ZNF713: variants seen among roughly 807,000 people sequenced by gnomAD.
ZNF713 encodes the protein zinc finger protein 713.
ZNF713 carries 21 observed loss-of-function variants against 28.7 expected under a neutral mutation model. That is an observed-to-expected ratio of 0.73 (90% CI 0.52 to 1.05). ZNF713 has a LOEUF of 1.05. Among genes scored for constraint, ZNF713 ranks in the 50% least tolerant of loss-of-function variants. ZNF713 has a pLI of 0.00. For missense variants in ZNF713, 458 were observed against 532.4 expected (o/e 0.86, Z 1.37); for synonymous variants, 167 against 178.0 (o/e 0.94, Z 0.49).
intron 1 of ZNF713, among the ~76,000 whole-genome samples, chr7:55,897,569 A>C (rs1412947035): frequency 6.6e-6 from 1 of 152,138 alleles, no homozygotes; most frequent in East Asian, 1.9e-4. Flanking sequence ...GCATACAAGC[A>C]TGAGCCACTG....
intron 6 of ZNF713, among the ~76,000 whole-genome samples, chr7:55,925,288 A>G (rs1389570848): frequency 1.3e-5 from 2 of 152,112 alleles, no homozygotes; most frequent in African/African-American, 4.8e-5. Context: ...TGACTTGGCT[A>G]TCCTTCTTGC....
rs1786040844 is a variant in ZNF713 at position 55,923,687 on chromosome 7, G to A, written c.295G>A (p.Asp99Asn). 1.2e-6 allele frequency: 2 copies of A among 1,611,754 alleles called. No homozygotes were observed. The highest frequency in any genetic ancestry group is 1.3e-5 in the African/African-American group (1 of 74,860). Residue 99 changes from aspartate to asparagine, a missense_variant, in exon 6 of 7, where the codon GAT becomes AAT. Physicochemically the swap from Asp to Asn is conservative, Grantham distance 23. Transcript: ENST00000429591. ...GGTGATAGAAAGAGACAGCCTGCTG[G>A]ATACTCATCCAGGTAAGTGCACACT... is the stretch of plus-strand genomic sequence containing the variant. ...EWVIERDSLL[D>N]THPDGENRPE...
At chr7:55,906,763 C>T (rs1785686944) in intron 2 of ZNF713, among the ~76,000 whole-genome samples, 1 of 152,110 alleles carries the variant, frequency 6.6e-6, no homozygotes, top group Non-Finnish European at 1.5e-5. Flanking sequence ...GGGGCGTCCT[C>T]TCGTAAATAT....
In ZNF713 at chr7:55,939,612, C is replaced by G; in HGVS notation, c.938C>G (p.Pro313Arg). The change falls in exon 7 of 7, where the codon CCT (proline) becomes CGT (arginine). Residue 313 changes from proline (P) to arginine (R), a missense_variant. Coordinates refer to ENST00000429591, the MANE Select transcript of ZNF713 (RefSeq NM_182633.3). ...QHQRIHTGEK[P>R]FICNGCGKAF... ...CAGAGAATTCACACAGGAGAAAAGC[C>G]TTTTATATGCAATGGATGTGGGAAA... The G allele has an allele frequency of 6.2e-7, 1 of 1,614,124 alleles. No homozygotes were observed.
At chr7:55,932,389 G>C (rs1000183518) in intron 6 of ZNF713, among the ~76,000 whole-genome samples, 1 of 151,006 alleles carries the variant, frequency 6.6e-6, no homozygotes, top group Non-Finnish European at 1.5e-5. Context: ...GCAGGGTATC[G>C]TGGCACGTGC....
chr7:55,928,969 CAA>C (rs35152322), intron 6 of ZNF713, among the ~76,000 whole-genome samples: 31,063 of 119,094 alleles, frequency 0.26, 3,519 homozygotes, highest in South Asian at 0.39. Context: ...CCATTTCTAC[CAA>C]AAAAAAAAAA....
chr7:55,932,890 C>CAAAAA (rs61092452), intron 6 of ZNF713, among the ~76,000 whole-genome samples: 1,778 of 47,576 alleles, frequency 0.037, 134 homozygotes, highest in South Asian at 0.071. Flanking sequence ...GACTCCGTCT[C>CAAAAA]AAAAAAAAAA....
At chr7:55,905,174 A>G (rs1785657315) in intron 1 of ZNF713, among the ~76,000 whole-genome samples, 1 of 152,184 alleles carries the variant, frequency 6.6e-6, no homozygotes, top group Non-Finnish European at 1.5e-5. Context: ...AGTGAAAAAC[A>G]TTGAGGTTGA....
At chr7:55,905,794 C>T (rs1041383560) in intron 1 of ZNF713, among the ~76,000 whole-genome samples, 12 of 152,034 alleles carry the variant, frequency 7.9e-5, no homozygotes, top group African/African-American at 2.9e-4. Context: ...AGGAACTGCT[C>T]CTTATTTTCC....
chr7:55,900,115 A>G (rs1185267396), intron 1 of ZNF713, among the ~76,000 whole-genome samples: 2 of 152,180 alleles, frequency 1.3e-5, no homozygotes, highest in African/African-American at 2.4e-5. Flanking sequence ...TTATTGCAAC[A>G]TTATTCACTG....
intron 4 of ZNF713, chr7:55,917,906 G>A (rs1003035163): frequency 5.8e-6 from 2 of 347,362 alleles, no homozygotes; most frequent in Admixed American, 3.2e-5. Flanking sequence ...ATATTCTGTT[G>A]GCAAAGCTGT....
In ZNF713 at chr7:55,931,178, C is replaced by T. The variant is rs528894959; in HGVS notation, c.307+7479C>T. ...GCGGGCGCCTGTAATCCCAGCTACT[C>T]GGGAGGCTGAGGCAGGAGAATCTCT... On this transcript the variant is annotated intron_variant, in intron 6 of 6. Transcript: ENST00000429591. Among the ~76,000 whole-genome samples the T allele has an allele frequency of 4.7e-3, 707 of 151,882 alleles. 4 individuals are homozygous for T. The highest frequency in any genetic ancestry group is 0.024 in the Middle Eastern group (7 of 294).
intron 6 of ZNF713, among the ~76,000 whole-genome samples, chr7:55,935,714 GA>G (rs1786331172): frequency 1.3e-5 from 2 of 152,172 alleles, no homozygotes; most frequent in Admixed American, 1.3e-4. Flanking sequence ...AGCACTTTGG[GA>G]GGCCGAGGCA....
intron 1 of ZNF713, among the ~76,000 whole-genome samples, chr7:55,888,508 C>G (rs998564055): frequency 2.0e-5 from 3 of 152,138 alleles, no homozygotes; most frequent in Non-Finnish European, 4.4e-5. Context: ...TCAGCCTCCT[C>G]AGTAGCTGGG....
intron 4 of ZNF713, among the ~76,000 whole-genome samples, chr7:55,919,594 C>T (rs1267288722): frequency 6.8e-6 from 1 of 148,144 alleles, no homozygotes; most frequent in Non-Finnish European, 1.5e-5. Context: ...CAACCTCCAC[C>T]TCCCGGGTTC....
intron 1 of ZNF713, among the ~76,000 whole-genome samples, chr7:55,903,176 A>G (rs763010754): frequency 1.2e-4 from 18 of 152,078 alleles, no homozygotes; most frequent in Non-Finnish European, 2.2e-4. Context: ...ATTAAAAGCA[A>G]ACACCAAAAT....
At chr7:55,900,240 C>T (rs922740987) in intron 1 of ZNF713, among the ~76,000 whole-genome samples, 2 of 152,074 alleles carry the variant, frequency 1.3e-5, no homozygotes, top group African/African-American at 2.4e-5. Context: ...GAGGCCGAGG[C>T]AGGCGGATCA....
chr7:55,923,023 G>C (rs1584312745), intron 4 of ZNF713, 139 bp from the exon 5 acceptor site: 2 of 867,118 alleles, frequency 2.3e-6, no homozygotes, highest in East Asian at 6.3e-5. Flanking sequence ...TAAAAGAAAA[G>C]TTTGACCTGA....
chr7:55,899,516 C>CA (rs947602582), intron 1 of ZNF713, among the ~76,000 whole-genome samples: 1 of 143,656 alleles, frequency 7.0e-6, no homozygotes, highest in Non-Finnish European at 1.5e-5. Context: ...ACTAAAAATA[C>CA]AAAAAAATTT....
Sources: gnomAD v4.1 joint callset for allele counts (sites outside exome capture counted in the v4.1 genomes callset) on GRCh38, gnomAD v4.1.1 for gene constraint, MANE v1.5 for transcripts, NCBI Gene and HGNC (gene_info 2026-07-23, HGNC 2026-07-21) for gene names.